The following CFAP299 variants were observed in gnomAD, a reference collection of about 807,000 sequenced individuals.
CFAP299 encodes cilia and flagella associated protein 299.
A neutral mutation model predicts 27.0 loss-of-function variants in CFAP299; 21 were observed. That is an observed-to-expected ratio of 0.78 (90% confidence interval 0.55 to 1.12). The LOEUF (loss-of-function observed/expected upper bound fraction) is 1.12, where lower values mean the gene tolerates loss of function less well. Among genes scored for constraint, CFAP299 ranks in the 50% most tolerant of loss-of-function variants. CFAP299 has a pLI of 0.00. For missense variants in CFAP299, 310 were observed against 276.6 expected (o/e 1.12, Z -0.86); for synonymous variants, 104 against 98.1 (o/e 1.06, Z -0.36).
rs74394502 is a variant in CFAP299 at position 80,429,727 on chromosome 4, A to T, written c.242+66843A>T. Reference sequence around the variant, plus strand: ...ATAGTTATTCAGCAGATTTGTAATCATAACTATGATTCTATATGATTCTAG... The same window carrying T: ...ATAGTTATTCAGCAGATTTGTAATCTTAACTATGATTCTATATGATTCTAG... On this transcript the variant is annotated intron_variant, in intron 2 of 5. Transcript: ENST00000358105. Among the ~76,000 whole-genome samples the T allele has an allele frequency of 0.014, 2,169 of 152,282 alleles. 92 individuals are homozygous for T. In the East Asian group the frequency reaches 0.17, roughly 12 times the overall value.
intron 3 of CFAP299, among the ~76,000 whole-genome samples, chr4:80,847,312 G>A (rs35565160): frequency 0.27 from 40,312 of 152,042 alleles, 6,520 homozygotes; most frequent in African/African-American, 0.45. Flanking sequence ...TATTCCCTTG[G>A]CCCTTCGTAG....
intron 2 of CFAP299, among the ~76,000 whole-genome samples, chr4:80,463,737 A>G (rs905544713): frequency 1.3e-5 from 2 of 152,108 alleles, no homozygotes; most frequent in African/African-American, 4.8e-5. Context: ...TAAAGGCCCT[A>G]TCTCTAAATA....
intron 3 of CFAP299, among the ~76,000 whole-genome samples, chr4:80,813,407 A>G (rs1359097212): frequency 6.6e-6 from 1 of 152,038 alleles, no homozygotes; most frequent in Non-Finnish European, 1.5e-5. Context: ...TTAAAACTAT[A>G]TTAGATTATT....
intron 5 of CFAP299, among the ~76,000 whole-genome samples, chr4:80,950,619 G>A (rs1044034584): frequency 6.6e-6 from 1 of 152,170 alleles, no homozygotes; most frequent in Admixed American, 6.5e-5. Context: ...ACGAAGGCAT[G>A]GGAGCACAAA....
chr4:80,636,761 CATTT>C (rs1739479879), intron 3 of CFAP299, among the ~76,000 whole-genome samples: 2 of 152,290 alleles, frequency 1.3e-5, no homozygotes, highest in African/African-American at 4.8e-5. Context: ...TGTACTCATT[CATTT>C]ACCTATTTTC....
At chr4:80,793,348 A>C (rs985727676) in intron 3 of CFAP299, among the ~76,000 whole-genome samples, 9 of 152,050 alleles carry the variant, frequency 5.9e-5, no homozygotes, top group African/African-American at 2.2e-4. Context: ...TATCCTGGCT[A>C]TGCTGGCAGC....
chr4:80,473,278 G>T (rs1730101851), intron 2 of CFAP299, among the ~76,000 whole-genome samples: 1 of 152,086 alleles, frequency 6.6e-6, no homozygotes, highest in Non-Finnish European at 1.5e-5. Context: ...GGGAAAAGAA[G>T]ATCCTAGGCA....
At position 80,467,423 on chromosome 4, in the gene CFAP299, A is replaced by C. The variant is rs147704065; in HGVS notation, c.242+104539A>C. Among the ~76,000 whole-genome samples, 308 of 152,186 alleles carry C rather than the reference A, an allele frequency of 2.0e-3. 1 individual carries two copies. Among genetic ancestry groups the C allele is most frequent in the Admixed American group, 6.0e-3 (92 of 15,276 alleles). Reference sequence around the variant, plus strand: ...TTCACTCATCTTCATTTTGCTCTAGATTTCCTCTACAGATGAATAGTCCCT... The same window carrying C: ...TTCACTCATCTTCATTTTGCTCTAGCTTTCCTCTACAGATGAATAGTCCCT... On this transcript the variant is annotated intron_variant, in intron 2 of 5. Transcript: ENST00000358105.
intron 3 of CFAP299, among the ~76,000 whole-genome samples, chr4:80,598,471 T>A (rs1328715145): frequency 6.6e-6 from 1 of 152,232 alleles, no homozygotes; most frequent in African/African-American, 2.4e-5. Context: ...CTTCATTAAC[T>A]ACTACTAGAA....
At chr4:80,858,602 T>C (rs1732091488) in intron 3 of CFAP299, among the ~76,000 whole-genome samples, 1 of 152,324 alleles carries the variant, frequency 6.6e-6, no homozygotes, top group Non-Finnish European at 1.5e-5. Context: ...GATTCTGGTA[T>C]GTTGTGTCTT....
At chr4:80,706,822 A>G (rs1440209735) in intron 3 of CFAP299, among the ~76,000 whole-genome samples, 1 of 151,936 alleles carries the variant, frequency 6.6e-6, no homozygotes, top group Non-Finnish European at 1.5e-5. Flanking sequence ...CTCTTAAGAA[A>G]GCTGCTCCTG....
rs1014041918 is a variant in CFAP299 at position 80,547,630 on chromosome 4, A to G, written c.243-35463A>G. Among the ~76,000 whole-genome samples, 5 of 152,288 alleles carry G rather than the reference A, an allele frequency of 3.3e-5. No individual in the cohort carries two copies. In the South Asian group the frequency reaches 6.2e-4, roughly 19 times the overall value. On this transcript the variant is annotated intron_variant, in intron 2 of 5. Coordinates refer to ENST00000358105, the MANE Select transcript of CFAP299 (RefSeq NM_152770.3). ...AAAGTATTGGCAAACTAAGCATCCAACAAAGGTCTAGTAGCCAGAATCTGT... is the reference window on the plus strand; with the variant it reads ...AAAGTATTGGCAAACTAAGCATCCAGCAAAGGTCTAGTAGCCAGAATCTGT...
At chr4:80,743,261 CT>C (rs1464019587) in intron 3 of CFAP299, among the ~76,000 whole-genome samples, 2 of 151,700 alleles carry the variant, frequency 1.3e-5, no homozygotes, top group African/African-American at 4.8e-5. Context: ...AAAAAAAGTA[CT>C]TGTTATTGCT....
intron 2 of CFAP299, among the ~76,000 whole-genome samples, chr4:80,566,718 CT>C (rs1006643479): frequency 3.0e-4 from 45 of 151,960 alleles, no homozygotes; most frequent in African/African-American, 1.0e-3. Context: ...ATTGGCTTTC[CT>C]TGTGTAAATA....
intron 3 of CFAP299, among the ~76,000 whole-genome samples, chr4:80,804,585 T>C (rs1455756906): frequency 6.6e-6 from 1 of 152,176 alleles, no homozygotes; most frequent in African/African-American, 2.4e-5. Context: ...GCTATAAATA[T>C]GGGTATACAA....
intron 4 of CFAP299, among the ~76,000 whole-genome samples, chr4:80,933,869 G>A (rs1339639713): frequency 6.6e-6 from 1 of 152,154 alleles, no homozygotes; most frequent in South Asian, 2.1e-4. Context: ...GATATCATTT[G>A]CAAACAGAGG....
intron 3 of CFAP299, among the ~76,000 whole-genome samples, chr4:80,764,430 A>G (rs1476214218): frequency 2.0e-5 from 3 of 152,182 alleles, no homozygotes; most frequent in Non-Finnish European, 4.4e-5. Context: ...GGCAATCGTT[A>G]AAGTCTGGAA....
At chr4:80,386,798 G>A in intron 2 of CFAP299, 7 of 1,071,498 alleles carry the variant, frequency 6.5e-6, no homozygotes, top group Non-Finnish European at 1.0e-5. Context: ...TGTGTGCGTC[G>A]ATAAAGGGCA....
intron 2 of CFAP299, among the ~76,000 whole-genome samples, chr4:80,490,200 C>A (rs937830853): frequency 6.6e-5 from 10 of 152,014 alleles, no homozygotes; most frequent in African/African-American, 2.4e-4. Context: ...TTTTAGATAC[C>A]AATTCTCAAG....
Sources: gnomAD v4.1 joint callset for allele counts (sites outside exome capture counted in the v4.1 genomes callset) on GRCh38, gnomAD v4.1.1 for gene constraint, MANE v1.5 for transcripts, NCBI Gene and HGNC (gene_info 2026-07-23, HGNC 2026-07-21) for gene names.